CCDC80: variants seen among roughly 807,000 people sequenced by gnomAD.
CCDC80 encodes coiled-coil domain-containing protein 80.
A neutral mutation model predicts 78.7 loss-of-function variants in CCDC80; 49 were observed. That is an observed-to-expected ratio of 0.62 (90% CI 0.50 to 0.79). CCDC80 has a LOEUF of 0.79. Ranked by LOEUF, CCDC80 falls within the 30% of genes least tolerant of loss-of-function variation. The pLI, the probability that CCDC80 is intolerant of heterozygous loss-of-function variation, is 0.00. For synonymous variants in CCDC80, 488 were observed against 447.0 expected, an observed-to-expected ratio of 1.09 and a Z score of -1.16; for missense variants, 1,205 against 1,198.6, an observed-to-expected ratio of 1.01 and a Z score of -0.08.
chr3:112,607,346 T>G (rs1313003082), intron 6 of CCDC80, 90 bp from the exon 7 acceptor site: 1 of 911,230 alleles, frequency 1.1e-6, no homozygotes, highest in Admixed American at 2.7e-5. Context: ...ATTAAAAATC[T>G]CTTAAATTTA....
Position 112,638,421 on chromosome 3 carries a change from C to A in CCDC80, c.1485G>T (p.Lys495Asn). 1 of 1,613,716 alleles carries A rather than the reference C, an allele frequency of 6.2e-7. No homozygotes were observed. Among genetic ancestry groups the A allele is most frequent in the Non-Finnish European group, 8.5e-7 (1 of 1,179,976 alleles). The change falls in exon 2 of 8, where the codon AAG (lysine) becomes AAT (asparagine). Residue 495 changes from lysine (K) to asparagine (N), a missense_variant. Physicochemically the swap from Lys to Asn is moderately conservative, Grantham distance 94 (BLOSUM62 0). Transcript: ENST00000206423. Reference protein sequence around the residue: ...PKPAKEKPPKKKAQDKILSNE... With the variant: ...PKPAKEKPPKNKAQDKILSNE... ...TACTAAGAATTTTGTCCTGGGCCTT[C>A]TTTTTGGGAGGTTTCTCCTTTGCTG...
rs779260599 is a variant in CCDC80, at chr3:112,639,112, G to A, written c.794C>T (p.Pro265Leu). ...EAMYEVIDQG[P>L]IRRIEKIRQK... ...CCTGATCTTCTCGATCCTACGGATG[G>A]GGCCTTGGTCGATGACCTCGTACAT... is the stretch of plus-strand genomic sequence containing the variant. Residue 265 changes from proline to leucine, a missense_variant, in exon 2 of 8, where the codon CCC (proline) becomes CTC (leucine). Pro to Leu is a moderately conservative substitution (Grantham distance 98). Transcript: ENST00000206423. 1 of 1,613,994 alleles carries A rather than the reference G, an allele frequency of 6.2e-7. No individual in the cohort carries two copies. The highest frequency in any genetic ancestry group is 2.2e-5 in the East Asian group (1 of 44,896).
At chr3:112,637,474 G>T (rs562693528) in intron 2 of CCDC80, among the ~76,000 whole-genome samples, 1 of 152,290 alleles carries the variant, frequency 6.6e-6, no homozygotes, top group Admixed American at 6.5e-5. Flanking sequence ...CACCCAGGCT[G>T]TCTTACTTTC....
At chr3:112,620,548 G>T (rs1401080636) in intron 3 of CCDC80, among the ~76,000 whole-genome samples, 1 of 151,960 alleles carries the variant, frequency 6.6e-6, no homozygotes, top group Non-Finnish European at 1.5e-5. Context: ...TGCATAATAT[G>T]ACTTTATTCC....
chr3:112,636,713 G>A (rs954850020), intron 2 of CCDC80, among the ~76,000 whole-genome samples: 1 of 152,168 alleles, frequency 6.6e-6, no homozygotes, highest in Non-Finnish European at 1.5e-5. Context: ...AAGAGTGTCT[G>A]TCTCTTTTGG....
rs1936275083 is a variant in CCDC80, at chr3:112,638,933, C to G, written c.973G>C (p.Glu325Gln). The G allele has an allele frequency of 6.2e-7, 1 of 1,613,296 alleles. No homozygotes were observed. Among genetic ancestry groups the G allele is most frequent in the Non-Finnish European group, 8.5e-7 (1 of 1,180,002 alleles). Residue 325 changes from glutamate (E) to glutamine (Q), a missense_variant, in exon 2 of 8, where the codon GAG becomes CAG. Coordinates refer to ENST00000206423, the MANE Select transcript of CCDC80 (RefSeq NM_199511.3). ...TTTCTCAGGACCTTCACCCGACTCT[C>G]TCTGGTTGGTGGGACTTGTGCTCTC... Reference protein sequence around the residue: ...PRRAQVPPTRESRVKVLRKLA... With the variant: ...PRRAQVPPTRQSRVKVLRKLA...
chr3:112,608,196 T>C (rs142759873), intron 6 of CCDC80, among the ~76,000 whole-genome samples: 9 of 152,330 alleles, frequency 5.9e-5, no homozygotes, highest in Non-Finnish European at 1.2e-4. Context: ...CAAGCTTTCA[T>C]AGTTTTAAAT....
chr3:112,606,744 ATG>A (rs939906041), intron 7 of CCDC80, among the ~76,000 whole-genome samples: 14 of 152,102 alleles, frequency 9.2e-5, no homozygotes, highest in African/African-American at 2.9e-4. Context: ...CTTTTAGTGT[ATG>A]TGTCTTTCAG....
chr3:112,605,481 T>C lies in CCDC80; in HGVS notation c.2789A>G (p.Tyr930Cys). ...GTAGTCATCCTGGTAACCATCCTGG[T>C]ATCCTTGGTGGTAACTATGGTAACC... is the stretch of plus-strand genomic sequence containing the variant. ...GYGYHSYHQGYQDGYQDDYRH... is the reference protein window; with the variant it reads ...GYGYHSYHQGCQDGYQDDYRH... Residue 930 changes from tyrosine (Y) to cysteine (C), a missense_variant, in exon 8 of 8, where the codon TAC (tyrosine) becomes TGC (cysteine). Coordinates refer to ENST00000206423, the MANE Select transcript of CCDC80 (RefSeq NM_199511.3). 6.2e-7 allele frequency: 1 copy of C among 1,614,154 alleles called. No homozygotes were observed. The highest frequency in any genetic ancestry group is 8.5e-7 in the Non-Finnish European group (1 of 1,179,992).
At chr3:112,616,174 G>A (rs950184134) in intron 5 of CCDC80, among the ~76,000 whole-genome samples, 2 of 152,076 alleles carry the variant, frequency 1.3e-5, no homozygotes, top group Admixed American at 6.5e-5. Context: ...TTCAATAAAC[G>A]ACAGTGTCGA....
Position 112,601,332 on chromosome 3 carries a change from A to G in CCDC80, c.*4085T>C, listed in dbSNP as rs1935370175. The G allele has an allele frequency of 6.6e-6, 1 of 152,224 alleles. No homozygotes were observed. Among genetic ancestry groups the G allele is most frequent in the African/African-American group, 2.4e-5 (1 of 41,446 alleles). 9.4% of individuals were successfully genotyped at this position (152,224 alleles called of 1,614,324 possible). ...TTTGAATGCATTTATTAATCTCTGT[A>G]CTTATTAGAATTAATAATAATACTA... On this transcript the variant is annotated 3_prime_UTR_variant, in exon 8 of 8. Coordinates refer to ENST00000206423, the MANE Select transcript of CCDC80 (RefSeq NM_199511.3).
chr3:112,631,691 G>A (rs1936102620), intron 2 of CCDC80, among the ~76,000 whole-genome samples: 1 of 152,106 alleles, frequency 6.6e-6, no homozygotes, highest in South Asian at 2.1e-4. Context: ...ATCAAAAATG[G>A]TTAATAAATC....
intron 1 of CCDC80, 130 bp from the exon 2 acceptor site, chr3:112,640,046 G>C: frequency 7.0e-7 from 1 of 1,431,334 alleles, no homozygotes; most frequent in African/African-American, 1.4e-5. Flanking sequence ...AGGTTGGTTA[G>C]AGAGAAGGAG....
chr3:112,632,301 A>C (rs1936114801), intron 2 of CCDC80, among the ~76,000 whole-genome samples: 1 of 152,188 alleles, frequency 6.6e-6, no homozygotes, highest in East Asian at 1.9e-4. Flanking sequence ...GTAAAAACAC[A>C]AAACAGTAAA....
At chr3:112,628,152 A>G (rs1936017826) in intron 3 of CCDC80, among the ~76,000 whole-genome samples, 1 of 152,228 alleles carries the variant, frequency 6.6e-6, no homozygotes, top group South Asian at 2.1e-4. Context: ...GCTGGATTGA[A>G]TACTTACTTC....
intron 3 of CCDC80, among the ~76,000 whole-genome samples, chr3:112,622,317 A>G (rs1406594698): frequency 6.6e-6 from 1 of 152,262 alleles, no homozygotes; most frequent in African/African-American, 2.4e-5. Context: ...GAATATCTAC[A>G]TGTTTGTGCT....
At chr3:112,620,205 T>C (rs1046586022) in intron 3 of CCDC80, among the ~76,000 whole-genome samples, 1 of 152,240 alleles carries the variant, frequency 6.6e-6, no homozygotes, top group East Asian at 1.9e-4. Flanking sequence ...AATTTAACTG[T>C]TACTTTTATT....
In CCDC80 at chr3:112,605,450, A is replaced by G. The variant is rs774223621; in HGVS notation, c.2820T>C (p.His940=). The change falls in exon 8 of 8, where the codon CAT becomes CAC. Residue 940 remains histidine (H), a synonymous_variant. Transcript: ENST00000206423. ...GGTATCCATGGTGATAACTCTCATG[A>G]TGACGGTAGTCATCCTGGTAACCAT... ...YQDGYQDDYR[H]HESYHHGYPY 40 of 1,613,900 alleles carry G rather than the reference A, an allele frequency of 2.5e-5. No homozygotes were observed. Among genetic ancestry groups the G allele is most frequent in the Non-Finnish European group, 2.5e-6 (3 of 1,179,924 alleles).
Position 112,601,380 on chromosome 3 carries a change from TTAA to T in CCDC80, c.*4034_*4036del, listed in dbSNP as rs1466275148. On this transcript the variant is annotated 3_prime_UTR_variant, in exon 8 of 8. Transcript: ENST00000206423. ...CTAAAATGATTTGGAGAATTAATGA[TTAA>T]TAACAGTGGAAAATAGCCTTCCCAT... The T allele has an allele frequency of 6.6e-6, 1 of 152,216 alleles. No individual in the cohort carries two copies. The highest frequency in any genetic ancestry group is 2.4e-5 in the African/African-American group (1 of 41,436). 9.4% of individuals were successfully genotyped at this position (152,216 alleles called of 1,614,324 possible).
Sources: gnomAD v4.1 joint callset for allele counts (sites outside exome capture counted in the v4.1 genomes callset) on GRCh38, gnomAD v4.1.1 for gene constraint, MANE v1.5 for transcripts, NCBI Gene and HGNC (gene_info 2026-07-23, HGNC 2026-07-21) for gene names.